Variants in PPP2R5C observed in about 807,000 individuals in gnomAD.
The protein encoded by PPP2R5C is serine/threonine-protein phosphatase 2A 56 kDa regulatory subunit gamma isoform.
Under a neutral mutation model 68.9 loss-of-function variants are expected in PPP2R5C, and 7 were observed. The observed-to-expected ratio is 0.10, with a 90% confidence interval of 0.06 to 0.19. The LOEUF is 0.19. PPP2R5C is among the 10% of genes least tolerant of loss of function. The pLI is 1.00. For synonymous variants in PPP2R5C, 210 were observed against 222.2 expected (o/e 0.95, Z 0.49); for missense variants, 348 against 641.3 (o/e 0.54, Z 4.94).
rs143364365 is a variant in PPP2R5C, at chr14:101,906,233, G to C, written c.1024-169G>C. On this transcript the variant is annotated intron_variant, in intron 9 of 13. Coordinates refer to ENST00000334743, the Ensembl canonical transcript of PPP2R5C. The surrounding 1 kb of genome is among the most constrained non-coding windows in gnomAD (Gnocchi z 4.0). Reference sequence around the variant, plus strand: ...AGAAGTTGTCTGCCTCTTTGTTGAAGGCTCTTCAGGGTTACAGGTTACAGT... The same window carrying C: ...AGAAGTTGTCTGCCTCTTTGTTGAACGCTCTTCAGGGTTACAGGTTACAGT... 1.8e-3 allele frequency among the ~76,000 whole-genome samples: 270 copies of C among 152,310 alleles called. 1 individual carries two copies. Among genetic ancestry groups the C allele is most frequent in the African/African-American group, 6.1e-3 (254 of 41,566 alleles).
intron 2 of PPP2R5C, among the ~76,000 whole-genome samples, chr14:101,782,765 CT>C (rs1244838406): frequency 1.3e-4 from 1 of 7,974 alleles, no homozygotes; most frequent in African/African-American, 6.1e-4. Flanking sequence ...CTCCCTCTCT[CT>C]CCCCTCTCTC....
At position 101,767,316 on chromosome 14, in the gene PPP2R5C, A is replaced by C. The variant is rs548647739; in HGVS notation, c.93+4346A>C. Among the ~76,000 whole-genome samples the C allele has an allele frequency of 3.3e-5, 5 of 152,356 alleles. No individual in the cohort carries two copies. In the East Asian group the frequency reaches 9.6e-4, roughly 29 times the overall value. ...TAATTTTTTTAGAAATTAAAATTGA[A>C]ATTTTAAAAATATTTAATAATACAC... On this transcript the variant is annotated intron_variant, in intron 2 of 14. Transcript: ENST00000328724.
chr14:101,893,181 G>A (rs189203197), intron 7 of PPP2R5C, 73 bp downstream of exon 9: 56 of 1,046,810 alleles, frequency 5.3e-5, no homozygotes, highest in East Asian at 9.7e-5. Context: ...TAGTGAATCC[G>A]GCCTTGACTG....
At chr14:101,792,015 A>G (rs1393259564) in intron 3 of PPP2R5C, among the ~76,000 whole-genome samples, 2 of 152,224 alleles carry the variant, frequency 1.3e-5, no homozygotes, top group Non-Finnish European at 1.5e-5. Context: ...GGCACTGCCA[A>G]TCTGGGAGTG....
chr14:101,869,980 G>A (rs370879355), intron 2 of PPP2R5C, among the ~76,000 whole-genome samples: 21 of 140,256 alleles, frequency 1.5e-4, no homozygotes, highest in Admixed American at 5.7e-4. Context: ...GCTTTTTGTC[G>A]TTTGTATATC....
intron 2 of PPP2R5C, among the ~76,000 whole-genome samples, chr14:101,880,015 C>A (rs994236573): frequency 1.3e-5 from 2 of 152,186 alleles, no homozygotes; most frequent in African/African-American, 4.8e-5. Context: ...GCAGACTAGA[C>A]CCCTGTCTGC....
intron 2 of PPP2R5C, among the ~76,000 whole-genome samples, chr14:101,862,301 G>A (rs550001865): frequency 1.3e-5 from 2 of 152,328 alleles, no homozygotes; most frequent in South Asian, 4.1e-4. Flanking sequence ...GAGCTCAGTG[G>A]TGATGGGAAT....
intron 5 of PPP2R5C, among the ~76,000 whole-genome samples, chr14:101,885,621 G>T (rs189497214): frequency 6.6e-6 from 1 of 152,210 alleles, no homozygotes; most frequent in South Asian, 2.1e-4. Context: ...TTGATTTTGC[G>T]TGTGGCTTTC....
At chr14:101,863,389 C>T (rs915942368) in intron 2 of PPP2R5C, among the ~76,000 whole-genome samples, 1 of 151,988 alleles carries the variant, frequency 6.6e-6, no homozygotes, top group African/African-American at 2.4e-5. Context: ...CTGCCCCAGC[C>T]TCCCAAGTTG....
chr14:101,766,822 C>T (rs954578342), intron 2 of PPP2R5C: 2 of 152,192 alleles, frequency 1.3e-5, no homozygotes, highest in African/African-American at 2.4e-5. Context: ...GTGTAACCTT[C>T]AAATCTGTGG....
intron 2 of PPP2R5C, among the ~76,000 whole-genome samples, chr14:101,767,735 A>T (rs546453237): frequency 5.7e-4 from 87 of 152,180 alleles, no homozygotes; most frequent in African/African-American, 1.9e-3. Context: ...GCGCCTCCCC[A>T]TGGTCTTTCC....
rs373998309 is a variant in PPP2R5C, at chr14:101,790,420, C to A, written c.259+4237C>A. Among the ~76,000 whole-genome samples, 77 of 152,306 alleles carry A rather than the reference C, an allele frequency of 5.1e-4. 1 individual carries two copies. The highest frequency in any genetic ancestry group is 1.7e-3 in the African/African-American group (72 of 41,578). ...ACCTCGTGCCATTCACCATTAAGTT[C>A]CCCTCCGGGCCCCAGCTGCAGGCAC... On this transcript the variant is annotated intron_variant, in intron 3 of 14. Coordinates refer to the PPP2R5C transcript ENST00000328724.
At chr14:101,846,246 A>G (rs1288588287) in intron 1 of PPP2R5C, among the ~76,000 whole-genome samples, 1 of 152,242 alleles carries the variant, frequency 6.6e-6, no homozygotes, top group African/African-American at 2.4e-5. Context: ...ACATCCATTT[A>G]GAAACCTGAG....
rs1264498633 is a variant in PPP2R5C, at chr14:101,825,538, AAC to A, written c.94+15506_94+15507del. On this transcript the variant is annotated intron_variant, in intron 1 of 13. Transcript: ENST00000334743. The surrounding 1 kb of genome is among the most constrained non-coding windows in gnomAD (Gnocchi z 4.0). ...ACACGCTCATCGATGAGGGCAACAG[AAC>A]ACAGCATGCAGGCGGAACTGTGCAG... 2.0e-5 allele frequency among the ~76,000 whole-genome samples: 3 copies of A among 152,148 alleles called. No individual in the cohort carries two copies. The highest frequency in any genetic ancestry group is 7.2e-5 in the African/African-American group (3 of 41,410).
intron 1 of PPP2R5C, chr14:101,823,717 C>T (rs760841482): frequency 1.7e-5 from 17 of 1,013,120 alleles, no homozygotes; most frequent in East Asian, 8.4e-5. Context: ...GACCAGATAC[C>T]GGACCAGCAC....
intron 1 of PPP2R5C, among the ~76,000 whole-genome samples, chr14:101,833,153 T>C (rs1387109597): frequency 2.0e-5 from 3 of 152,248 alleles, no homozygotes; most frequent in Non-Finnish European, 4.4e-5. Flanking sequence ...GTCAAAACTT[T>C]GTCCTTGATC....
chr14:101,924,990 G>C (rs540534808), intron 13 of PPP2R5C, 151 bp from the exon 16 acceptor site: 1 of 855,188 alleles, frequency 1.2e-6, no homozygotes, highest in Admixed American at 2.3e-5. Context: ...TCCATGATAA[G>C]ACCTACGCCG....
rs937992166 is a variant in PPP2R5C at position 101,765,143 on chromosome 14, A to G, written c.93+2173A>G. 21 of 702,288 alleles carry G rather than the reference A, an allele frequency of 3.0e-5. No individual in the cohort carries two copies. In the Admixed American group the frequency reaches 3.8e-4, roughly 13 times the overall value. 43.5% of individuals were successfully genotyped at this position (702,288 alleles called of 1,614,324 possible). A position where few individuals can be genotyped will look rare whatever the true frequency, so the allele number is the denominator to read the frequency against. ...TATGATGCCCCACTTGTCTTTTTGTATTTTTTCTAGTGCTACTGTCTAAGA... is the reference window on the plus strand; with the variant it reads ...TATGATGCCCCACTTGTCTTTTTGTGTTTTTTCTAGTGCTACTGTCTAAGA... On this transcript the variant is annotated intron_variant, in intron 2 of 14. Transcript: ENST00000328724.
chr14:101,799,650 AC>A (rs2038774243), intron 3 of PPP2R5C, among the ~76,000 whole-genome samples: 1 of 152,090 alleles, frequency 6.6e-6, no homozygotes, highest in Non-Finnish European at 1.5e-5. Context: ...ACCCAGTTGA[AC>A]TCTGATAGCT....
Sources: allele counts gnomAD v4.1 joint callset (sites outside exome capture counted in the v4.1 genomes callset), GRCh38; gene constraint gnomAD v4.1.1; non-coding constraint Gnocchi (gnomAD v3.1); transcripts MANE v1.5; gene names NCBI Gene and HGNC (gene_info 2026-07-23, HGNC 2026-07-21).